Variants in PLPPR1 observed in about 807,000 individuals in gnomAD.
PLPPR1 encodes phospholipid phosphatase-related protein type 1.
In PLPPR1, 10 loss-of-function variants were observed where a neutral mutation model predicts 33.1. The observed-to-expected ratio is 0.30, with a 90% CI of 0.19 to 0.51. The LOEUF is 0.51. Among genes scored for constraint, PLPPR1 ranks in the 20% least tolerant of loss-of-function variants. PLPPR1 has a pLI of 0.97. For synonymous variants in PLPPR1, 151 were observed against 151.0 expected (o/e 1.00, Z 0.00); for missense variants, 304 against 408.1 (o/e 0.74, Z 2.20).
chr9:101,155,142 T>G (rs1455801459), intron 1 of PLPPR1, among the ~76,000 whole-genome samples: 1 of 152,066 alleles, frequency 6.6e-6, no homozygotes, highest in Non-Finnish European at 1.5e-5. Flanking sequence ...TGTCTAACTG[T>G]CAGGAAACAG....
chr9:101,152,227 C>T (rs1831598505), intron 1 of PLPPR1, among the ~76,000 whole-genome samples: 1 of 152,116 alleles, frequency 6.6e-6, no homozygotes, highest in African/African-American at 2.4e-5. Context: ...TATCCTTTGC[C>T]CACTTTTCGC....
chr9:101,058,136 T>A (rs1018818913), intron 1 of PLPPR1, among the ~76,000 whole-genome samples: 1 of 152,136 alleles, frequency 6.6e-6, no homozygotes, highest in East Asian at 1.9e-4. Context: ...TACATCATAC[T>A]TGGCATGACT....
intron 1 of PLPPR1, among the ~76,000 whole-genome samples, chr9:101,095,672 G>T (rs1006251176): frequency 9.2e-5 from 14 of 152,072 alleles, no homozygotes; most frequent in Admixed American, 2.6e-4. Flanking sequence ...AATATTAAAT[G>T]GTTTTCTCAA....
chr9:101,070,814 G>A (rs972626924), intron 1 of PLPPR1, among the ~76,000 whole-genome samples: 7 of 152,018 alleles, frequency 4.6e-5, no homozygotes, highest in Admixed American at 2.6e-4. Context: ...TAAATTCAAC[G>A]AGCGCACAGA....
In PLPPR1 at chr9:101,246,095, T is replaced by TAG. The variant is rs1409986436; in HGVS notation, c.64-23784_64-23783insGA. On this transcript the variant is annotated intron_variant, in intron 2 of 7. Coordinates refer to ENST00000374874, the MANE Select transcript of PLPPR1 (RefSeq NM_207299.2). ...ATATATATATATATATATATATATA[T>TAG]ATATATATATATATAGATAGATAGA... Among the ~76,000 whole-genome samples the TAG allele has an allele frequency of 4.2e-3, 460 of 110,166 alleles. 4 individuals are homozygous for TAG. The highest frequency in any genetic ancestry group is 6.9e-3 in the African/African-American group (223 of 32,548). The allele number at this position is 110,166 out of a possible 152,430, so 72.3% of individuals were successfully genotyped here. A position where few individuals can be genotyped will look rare whatever the true frequency, so the allele number is the denominator to read the frequency against.
chr9:101,194,635 C>T (rs1826361270), intron 2 of PLPPR1, among the ~76,000 whole-genome samples: 2 of 151,748 alleles, frequency 1.3e-5, no homozygotes, highest in Admixed American at 6.6e-5. Flanking sequence ...CCTGTAATCT[C>T]AGCTACTTGG....
At chr9:101,109,640 A>G (rs1002759456) in intron 1 of PLPPR1, among the ~76,000 whole-genome samples, 1 of 152,204 alleles carries the variant, frequency 6.6e-6, no homozygotes, top group Non-Finnish European at 1.5e-5. Flanking sequence ...TAGTAGGTTC[A>G]TGCACAAAGC....
chr9:101,095,404 C>CT (rs1415806476), intron 1 of PLPPR1, among the ~76,000 whole-genome samples: 2 of 152,094 alleles, frequency 1.3e-5, no homozygotes, highest in African/African-American at 2.4e-5. Context: ...TGGTCTGGAT[C>CT]TTTCTTGAGA....
chr9:101,288,812 G>T (rs750247575), intron 4 of PLPPR1, among the ~76,000 whole-genome samples: 12 of 152,130 alleles, frequency 7.9e-5, no homozygotes, highest in African/African-American at 2.9e-4. Flanking sequence ...AGAACCACTG[G>T]TTTAGGTTAT....
intron 1 of PLPPR1, among the ~76,000 whole-genome samples, chr9:101,144,726 T>C (rs533485213): frequency 1.3e-5 from 2 of 152,344 alleles, no homozygotes; most frequent in African/African-American, 2.4e-5. Flanking sequence ...TCTGAGAATC[T>C]GCATTTCTAA....
At chr9:101,212,317 C>A (rs1201638733) in intron 2 of PLPPR1, among the ~76,000 whole-genome samples, 2 of 151,958 alleles carry the variant, frequency 1.3e-5, no homozygotes, top group Non-Finnish European at 2.9e-5. Context: ...TCCTGACCTC[C>A]AGTGATCTGC....
chr9:101,108,470 T>G (rs1588031395), intron 1 of PLPPR1, among the ~76,000 whole-genome samples: 1 of 152,246 alleles, frequency 6.6e-6, no homozygotes, highest in Non-Finnish European at 1.5e-5. Context: ...ATGTTTTGGA[T>G]AAGTAGTATG....
At chr9:101,099,904 G>A (rs935770808) in intron 1 of PLPPR1, among the ~76,000 whole-genome samples, 1 of 152,080 alleles carries the variant, frequency 6.6e-6, no homozygotes, top group African/African-American at 2.4e-5. Flanking sequence ...AGAACTGAAA[G>A]AGAGTTTTCC....
chr9:101,153,729 C>T (rs1831632118), intron 1 of PLPPR1, among the ~76,000 whole-genome samples: 1 of 150,548 alleles, frequency 6.6e-6, no homozygotes, highest in South Asian at 2.1e-4. Flanking sequence ...TGCCTGCCAC[C>T]ATGCCTGGCT....
At chr9:101,163,632 G>A (rs1356758817) in intron 1 of PLPPR1, among the ~76,000 whole-genome samples, 1 of 152,134 alleles carries the variant, frequency 6.6e-6, no homozygotes, top group Non-Finnish European at 1.5e-5. Context: ...AGCACAGGTT[G>A]TTTAATGAAC....
intron 1 of PLPPR1, among the ~76,000 whole-genome samples, chr9:101,058,449 A>G (rs2118460454): frequency 6.6e-6 from 1 of 152,220 alleles, no homozygotes; most frequent in South Asian, 2.1e-4. Flanking sequence ...AGCTACTGTG[A>G]TCCCATCTGT....
At chr9:101,246,763 C>T (rs1827617948) in intron 2 of PLPPR1, among the ~76,000 whole-genome samples, 1 of 152,070 alleles carries the variant, frequency 6.6e-6, no homozygotes, top group African/African-American at 2.4e-5. Flanking sequence ...TGTTGGTTGT[C>T]TAGACCATAC....
At chr9:101,048,667 AT>A (rs1830181872) in intron 1 of PLPPR1, among the ~76,000 whole-genome samples, 1 of 152,204 alleles carries the variant, frequency 6.6e-6, no homozygotes, top group Non-Finnish European at 1.5e-5. Flanking sequence ...AGAAGCATTG[AT>A]TTTATAATAG....
chr9:101,144,419 G>T (rs950517730), intron 1 of PLPPR1, among the ~76,000 whole-genome samples: 1 of 152,044 alleles, frequency 6.6e-6, no homozygotes, highest in African/African-American at 2.4e-5. Flanking sequence ...TAATAATAAA[G>T]AAGTAATTAA....
Sources: allele counts gnomAD v4.1 joint callset (sites outside exome capture counted in the v4.1 genomes callset), GRCh38; gene constraint gnomAD v4.1.1; transcripts MANE v1.5; gene names NCBI Gene and HGNC (gene_info 2026-07-23, HGNC 2026-07-21).